Variants in TTC3 observed in about 807,000 individuals in gnomAD.
TTC3 encodes E3 ubiquitin-protein ligase TTC3.
Under a neutral mutation model 249.6 loss-of-function variants are expected in TTC3, and 180 were observed. The observed-to-expected ratio is 0.72, with a 90% confidence interval of 0.64 to 0.82. The LOEUF (loss-of-function observed/expected upper bound fraction) is 0.82. TTC3 is among the 40% of genes least tolerant of loss of function. TTC3 has a pLI of 0.00. For synonymous variants in TTC3, 717 were observed against 805.0 expected, an observed-to-expected ratio of 0.89 and a Z score of 1.85; for missense variants, 2,061 against 2,398.4, an observed-to-expected ratio of 0.86 and a Z score of 2.94.
chr21:37,142,201 T>TG (rs1314335883), intron 20 of TTC3, among the ~76,000 whole-genome samples: 1 of 152,184 alleles, frequency 6.6e-6, no homozygotes, highest in Non-Finnish European at 1.5e-5. Context: ...AAGATAGGGA[T>TG]GCCCTCTCTC....
chr21:37,157,321 GC>G lies in TTC3; in HGVS notation c.2992+417del, dbSNP rs1416978061. The G allele has an allele frequency of 1.5e-5, 9 of 602,970 alleles. No homozygotes were observed. The African/African-American group carries it at 1.8e-4, about 12-fold the overall frequency. 37.4% of individuals were successfully genotyped at this position (602,970 alleles called of 1,614,324 possible). On this transcript the variant is annotated intron_variant, in intron 28 of 45. Transcript: ENST00000355666. Reference sequence around the variant, plus strand: ...ATTCTAGGATGTTTTAATGGGAAGAGCCTAGAACTGGGGGTCAGGAAAAGTA... The same window carrying G: ...ATTCTAGGATGTTTTAATGGGAAGAGCTAGAACTGGGGGTCAGGAAAAGTA...
At chr21:37,106,885 C>G (rs1316463183) in intron 10 of TTC3, among the ~76,000 whole-genome samples, 1 of 151,932 alleles carries the variant, frequency 6.6e-6, no homozygotes, top group African/African-American at 2.4e-5. Context: ...CAGAGTGAGC[C>G]CTTGTTTCAA....
At position 37,095,500 on chromosome 21, in the gene TTC3, G is replaced by T. The variant is rs547275962; in HGVS notation, c.782+56G>T. ...TTTCTATGGCACATCAAGTTAGAAT[G>T]GTAGTCAGAAGAAATAAAAACAAGA... On this transcript the variant is annotated intron_variant, in intron 9 of 45. Coordinates refer to ENST00000355666, the Ensembl canonical transcript of TTC3. The T allele has an allele frequency of 1.9e-5, 22 of 1,153,282 alleles. No individual in the cohort carries two copies. In the African/African-American group the frequency reaches 3.5e-4, roughly 18 times the overall value. The allele number at this position is 1,153,282 out of a possible 1,614,324, so 71.4% of individuals were successfully genotyped here.
intron 7 of TTC3, among the ~76,000 whole-genome samples, chr21:37,092,944 A>T (rs757868846): frequency 6.6e-6 from 1 of 152,168 alleles, no homozygotes; most frequent in Admixed American, 6.5e-5. Context: ...ATAACTTCTC[A>T]TTGTAACATT....
chr21:37,146,959 A>C (rs1053936963), intron 21 of TTC3, among the ~76,000 whole-genome samples: 3 of 152,212 alleles, frequency 2.0e-5, no homozygotes, highest in African/African-American at 7.2e-5. Flanking sequence ...AAAAGCCAGC[A>C]CTGGAAGCAT....
At chr21:37,163,658 A>C (rs1328660325) in intron 31 of TTC3, among the ~76,000 whole-genome samples, 2 of 152,164 alleles carry the variant, frequency 1.3e-5, no homozygotes, top group East Asian at 3.9e-4. Flanking sequence ...CTTAAAAAAA[A>C]CCTTTTATTA....
exon 42 of TTC3, chr21:37,195,721 G>A (rs2084823403): frequency 6.2e-7 from 1 of 1,613,882 alleles, no homozygotes; most frequent in Admixed American, 1.7e-5. Flanking sequence ...GATGGCCAAG[G>A]GCTTGTGACT....
intron 18 of TTC3, among the ~76,000 whole-genome samples, chr21:37,137,308 A>G (rs888133933): frequency 5.3e-5 from 8 of 152,196 alleles, no homozygotes; most frequent in African/African-American, 1.9e-4. Flanking sequence ...GTAAATTGAA[A>G]ACCTTCTGGA....
At chr21:37,090,557 T>A (rs1170899457) in intron 6 of TTC3, 1 of 940,108 alleles carries the variant, frequency 1.1e-6, no homozygotes, top group Non-Finnish European at 1.3e-6. Context: ...TTACCTGGCT[T>A]ATGTTTCCCC....
rs2085473741 is a variant in TTC3, at chr21:37,201,289, C to CG, written c.5944-148dup. On this transcript the variant is annotated intron_variant, in intron 45 of 45. Transcript: ENST00000355666. Reference sequence around the variant, plus strand: ...GGCTTTGTCCACACTCTGGCCTGAGCGGGTGTTGGTGTCCCTGAGTATTGG... The same window carrying CG: ...GGCTTTGTCCACACTCTGGCCTGAGCGGGGTGTTGGTGTCCCTGAGTATTGG... 4.3e-6 allele frequency: 4 copies of CG among 935,190 alleles called. No individual in the cohort carries two copies. In the East Asian group the frequency reaches 9.6e-5, roughly 22 times the overall value. The allele number at this position is 935,190 out of a possible 1,614,324, so 57.9% of individuals were successfully genotyped here.
At chr21:37,111,854 A>G (rs2075693580) in intron 11 of TTC3, among the ~76,000 whole-genome samples, 3 of 152,166 alleles carry the variant, frequency 2.0e-5, no homozygotes, top group Admixed American at 6.5e-5. Context: ...ACTGTCTCTC[A>G]GACCATAGTG....
chr21:37,196,278 C>T (rs1450190958), intron 42 of TTC3, among the ~76,000 whole-genome samples: 1 of 140,708 alleles, frequency 7.1e-6, no homozygotes, highest in Admixed American at 7.5e-5. Flanking sequence ...ACTCTGTTGC[C>T]TAGGCTGGAG....
intron 34 of TTC3, among the ~76,000 whole-genome samples, chr21:37,167,859 TTTA>T (rs532648553): frequency 1.9e-3 from 292 of 151,990 alleles, no homozygotes; most frequent in Admixed American, 5.6e-3. Context: ...ATTGTTTTAT[TTTA>T]TTATTTTTAA....
At chr21:37,084,620 G>A (rs559710610) in intron 1 of TTC3, among the ~76,000 whole-genome samples, 2 of 152,284 alleles carry the variant, frequency 1.3e-5, no homozygotes, top group South Asian at 4.1e-4. Flanking sequence ...AAGGAAACAA[G>A]AGAGCCAGGA....
At chr21:37,115,371 G>A (rs562361481) in intron 11 of TTC3, among the ~76,000 whole-genome samples, 11 of 152,148 alleles carry the variant, frequency 7.2e-5, no homozygotes, top group African/African-American at 2.2e-4. Flanking sequence ...AATTAAAGAG[G>A]CTGATAGTCT....
At chr21:37,101,218 G>T (rs1421097682) in intron 10 of TTC3, 1 of 152,192 alleles carries the variant, frequency 6.6e-6, no homozygotes, top group Non-Finnish European at 1.5e-5. Context: ...CCTTCCATCA[G>T]ATCCCAACTG....
chr21:37,199,049 T>A (rs757543118), intron 44 of TTC3, among the ~76,000 whole-genome samples: 3 of 152,182 alleles, frequency 2.0e-5, no homozygotes, highest in Non-Finnish European at 2.9e-5. Context: ...TCCCTGACCC[T>A]CGAGTCATGG....
Position 37,192,278 on chromosome 21 carries a change from T to C in TTC3, c.5217+65T>C, listed in dbSNP as rs1176338097. 5 of 1,091,930 alleles carry C rather than the reference T, an allele frequency of 4.6e-6. No homozygotes were observed. In the East Asian group the frequency reaches 1.3e-4, roughly 28 times the overall value. The allele number at this position is 1,091,930 out of a possible 1,614,324, so 67.6% of individuals were successfully genotyped here. A position where few individuals can be genotyped will look rare whatever the true frequency, so the allele number is the denominator to read the frequency against. On this transcript the variant is annotated intron_variant, in intron 41 of 45. Transcript: ENST00000355666. The stretch of plus-strand genomic sequence containing the variant: ...TTCATTTGTTAACTGGCCAAAGTAG[T>C]TATTTGTTGTTGTTTCCTGGGAGTG...
At chr21:37,191,697 GCCC>G (rs1602140491) in intron 40 of TTC3, among the ~76,000 whole-genome samples, 1 of 152,126 alleles carries the variant, frequency 6.6e-6, no homozygotes, top group Non-Finnish European at 1.5e-5. Flanking sequence ...TCCTGCCTCA[GCCC>G]CCCAAGTAGC....
Sources: allele counts gnomAD v4.1 joint callset (sites outside exome capture counted in the v4.1 genomes callset), GRCh38; gene constraint gnomAD v4.1.1; transcripts MANE v1.5; gene names NCBI Gene and HGNC (gene_info 2026-07-23, HGNC 2026-07-21).